The following COL4A6 variants were observed in gnomAD, a reference collection of about 807,000 sequenced individuals.
COL4A6 encodes collagen alpha-6(IV) chain.
Under a neutral mutation model 126.7 loss-of-function variants are expected in COL4A6, and 59 were observed. The observed-to-expected ratio is 0.47, with a 90% confidence interval of 0.38 to 0.58. The LOEUF (loss-of-function observed/expected upper bound fraction) is 0.58. COL4A6 is among the 20% of genes least tolerant of loss of function. The pLI, the probability that COL4A6 is intolerant of heterozygous loss-of-function variation, is 0.00. For missense variants in COL4A6, 1,285 were observed against 1,337.3 expected (o/e 0.96, Z 0.61); for synonymous variants, 547 against 496.6 (o/e 1.10, Z -1.35).
intron 3 of COL4A6, among the ~76,000 whole-genome samples, chrX:108,275,162 T>C (rs1229216214): frequency 9.0e-6 from 1 of 111,348 alleles, no homozygotes; most frequent in Non-Finnish European, 1.9e-5. Context: ...AAAGCACTTG[T>C]ATTACTTGGG....
chrX:108,253,645 G>A (rs920585507), intron 3 of COL4A6, among the ~76,000 whole-genome samples: 3 of 111,731 alleles, frequency 2.7e-5, no homozygotes, highest in Non-Finnish European at 3.8e-5. Context: ...CTAGAGCCCT[G>A]TGTAGGTACT....
chrX:108,165,494 GAATA>G lies in COL4A6; in HGVS notation c.3692-12_3692-9del. The G allele has an allele frequency of 1.8e-6, 2 of 1,120,377 alleles. No individual in the cohort carries two copies. Among genetic ancestry groups the G allele is most frequent in the Non-Finnish European group, 2.4e-6 (2 of 837,584 alleles). 92.3% of individuals were successfully genotyped at this position (1,120,377 alleles called of 1,213,427 possible). A position where few individuals can be genotyped will look rare whatever the true frequency, so the allele number is the denominator to read the frequency against. Reference sequence around the variant, plus strand: ...CCTGGAGACCTGGGAAACCTGTAAAGAATAAATAAAAGGGGCTGGATAGGCTCTG... The same window carrying G: ...CCTGGAGACCTGGGAAACCTGTAAAGAATAAAAGGGGCTGGATAGGCTCTG... On this transcript the variant is annotated splice_polypyrimidine_tract_variant and intron_variant, in intron 37 of 44. Transcript: ENST00000334504.
intron 2 of COL4A6, among the ~76,000 whole-genome samples, chrX:108,424,637 G>C (rs780660646): frequency 1.2e-3 from 129 of 111,529 alleles, no homozygotes; most frequent in South Asian, 2.3e-3. Context: ...ATATGATATA[G>C]TGTATTGAAA....
intron 3 of COL4A6, chrX:108,268,332 A>G (rs1265262832): frequency 8.9e-6 from 1 of 112,542 alleles, no homozygotes; most frequent in Non-Finnish European, 1.9e-5. Flanking sequence ...ATAATGACTA[A>G]TATTTATTTA....
chrX:108,177,440 G>T (rs1378959390), intron 27 of COL4A6, among the ~76,000 whole-genome samples: 1 of 111,738 alleles, frequency 8.9e-6, no homozygotes, highest in Non-Finnish European at 1.9e-5. Context: ...TTAAAGCTGA[G>T]CTGTTGTTTC....
chrX:108,352,450 A>G (rs767136377), intron 2 of COL4A6, among the ~76,000 whole-genome samples: 1 of 112,348 alleles, frequency 8.9e-6, no homozygotes, highest in Non-Finnish European at 1.9e-5. Context: ...AAGAAACTGT[A>G]TTCTGAGAGA....
At chrX:108,434,880 G>A (rs1293745657) in intron 2 of COL4A6, among the ~76,000 whole-genome samples, 1 of 109,925 alleles carries the variant, frequency 9.1e-6, no homozygotes, top group African/African-American at 3.3e-5. Flanking sequence ...TAAAGTAGAA[G>A]AGTACTTTAA....
At chrX:108,368,138 T>C (rs2040246901) in intron 2 of COL4A6, among the ~76,000 whole-genome samples, 2 of 109,958 alleles carry the variant, frequency 1.8e-5, no homozygotes, top group South Asian at 7.9e-4. Context: ...AAATGTGTTG[T>C]TAGGCAATTT....
intron 3 of COL4A6, among the ~76,000 whole-genome samples, chrX:108,244,645 T>C (rs2036665660): frequency 8.9e-6 from 1 of 112,015 alleles, no homozygotes; most frequent in Non-Finnish European, 1.9e-5. Context: ...GACCATAGCA[T>C]GATGATTAGG....
chrX:108,270,731 T>C (rs1039031039), intron 3 of COL4A6, among the ~76,000 whole-genome samples: 8 of 112,269 alleles, frequency 7.1e-5, no homozygotes, highest in African/African-American at 1.9e-4. Flanking sequence ...TTCAAAGGTT[T>C]ACACAAAAAA....
intron 3 of COL4A6, among the ~76,000 whole-genome samples, chrX:108,245,446 C>T (rs1323535574): frequency 8.9e-6 from 1 of 111,818 alleles, no homozygotes; most frequent in Non-Finnish European, 1.9e-5. Context: ...CCTCCTCCCA[C>T]GTACTCCCCC....
chrX:108,264,800 C>T (rs975905957), intron 3 of COL4A6, among the ~76,000 whole-genome samples: 1 of 111,255 alleles, frequency 9.0e-6, no homozygotes, highest in African/African-American at 3.3e-5. Context: ...TCTAATAGGA[C>T]TGGAGAGGTA....
At chrX:108,208,007 T>G (rs1201929882) in intron 8 of COL4A6, among the ~76,000 whole-genome samples, 1 of 111,825 alleles carries the variant, frequency 8.9e-6, no homozygotes, top group East Asian at 2.8e-4. Flanking sequence ...AACAAAAAAT[T>G]TTTTAAAAAA....
intron 2 of COL4A6, among the ~76,000 whole-genome samples, chrX:108,408,201 A>G (rs1334693549): frequency 9.0e-6 from 1 of 111,053 alleles, no homozygotes; most frequent in Non-Finnish European, 1.9e-5. Flanking sequence ...AGTCCCGGCT[A>G]CTCGGGAGGG....
rs902195304 is a variant in COL4A6, at chrX:108,378,911, C to T, written c.63+59031G>A. Among the ~76,000 whole-genome samples the T allele has an allele frequency of 6.2e-5, 7 of 112,334 alleles. No homozygotes were observed. In the East Asian group the frequency reaches 1.1e-3, roughly 18 times the overall value. On this transcript the variant is annotated intron_variant, in intron 2 of 44. Transcript: ENST00000334504. ...GATAAGTAGTTGTGACAGAGGCAGA[C>T]GCACAAAGCCAAAGTATTTACTACT... is the stretch of plus-strand genomic sequence containing the variant.
In COL4A6 at chrX:108,300,370, G is replaced by C. The variant is rs768753642; in HGVS notation, c.144+10378C>G. Among the ~76,000 whole-genome samples the C allele has an allele frequency of 7.3e-3, 764 of 104,756 alleles. 3 individuals are homozygous for C. Among genetic ancestry groups the C allele is most frequent in the African/African-American group, 0.023 (642 of 28,119 alleles). The allele number at this position is 104,756 out of a possible 115,157, so 91.0% of individuals were successfully genotyped here. Reference sequence around the variant, plus strand: ...TGGGTCTCTCTCTCTCTCTCTCTGTGTGTGTGTGTGTGTGTGTGTGTGTGT... The same window carrying C: ...TGGGTCTCTCTCTCTCTCTCTCTGTCTGTGTGTGTGTGTGTGTGTGTGTGT... On this transcript the variant is annotated intron_variant, in intron 3 of 44. Coordinates refer to ENST00000334504, the MANE Select transcript of COL4A6 (RefSeq NM_033641.4).
intron 43 of COL4A6, 101 bp from the exon 44 acceptor site, chrX:108,159,849 G>GGCA (rs2033864505): frequency 1.1e-6 from 1 of 894,145 alleles, no homozygotes; most frequent in African/African-American, 2.0e-5. Context: ...ACCAGACTGA[G>GGCA]GCAGCCCTCT....
intron 37 of COL4A6, among the ~76,000 whole-genome samples, chrX:108,166,690 C>T (rs2034138787): frequency 9.0e-6 from 1 of 110,610 alleles, no homozygotes; most frequent in Non-Finnish European, 1.9e-5. Flanking sequence ...TTCTTAGGTC[C>T]GGAAAAAAGA....
In COL4A6 at chrX:108,204,322, T is replaced by C; in HGVS notation, c.778A>G (p.Lys260Glu). 8.4e-7 allele frequency: 1 copy of C among 1,184,366 alleles called. No individual in the cohort carries two copies. The highest frequency in any genetic ancestry group is 1.1e-6 in the Non-Finnish European group (1 of 881,056). The change falls in exon 12 of 45, where the codon AAG becomes GAG. Residue 260 changes from lysine (K) to glutamate (E), a missense_variant and splice_region_variant. Physicochemically the swap from Lys to Glu is moderately conservative, Grantham distance 56. Coordinates refer to ENST00000334504, the MANE Select transcript of COL4A6 (RefSeq NM_033641.4). ...MGFPKGKKGS[K>E]GEPGPKGFPG... ...TCCTATTCTTAAATGTTCACTACCT[T>C]GGATCCTTTCTTCCCTTTGGGGAAT...
Sources: gnomAD v4.1 joint callset for allele counts (sites outside exome capture counted in the v4.1 genomes callset) on GRCh38, gnomAD v4.1.1 for gene constraint, MANE v1.5 for transcripts, NCBI Gene and HGNC (gene_info 2026-07-23, HGNC 2026-07-21) for gene names.